KIAA1549L: variants seen among roughly 807,000 people sequenced by gnomAD.
The protein encoded by KIAA1549L is KIAA1549 like, also known as UPF0606 protein KIAA1549L.
A neutral mutation model predicts 160.7 loss-of-function variants in KIAA1549L; 88 were observed. The ratio of observed to expected loss-of-function variants is 0.55; its 90% CI spans 0.46 to 0.65. The LOEUF (loss-of-function observed/expected upper bound fraction) is 0.65, where lower values mean the gene tolerates loss of function less well. KIAA1549L is among the 30% of genes least tolerant of loss of function. The probability of loss-of-function intolerance (pLI) is 0.00; values close to 1 mark genes in which losing one functional copy is unlikely to be tolerated. For missense variants in KIAA1549L, 2,258 were observed against 2,437.5 expected (o/e 0.93, Z 1.55); for synonymous variants, 950 against 976.7 (o/e 0.97, Z 0.51).
intron 1 of KIAA1549L, among the ~76,000 whole-genome samples, chr11:33,479,654 GAC>G (rs1471134948): frequency 1.3e-5 from 2 of 152,208 alleles, no homozygotes; most frequent in Admixed American, 1.3e-4. Flanking sequence ...GAATTAAAGA[GAC>G]AGAGCTTGTG....
intron 1 of KIAA1549L, among the ~76,000 whole-genome samples, chr11:33,414,858 A>G (rs1213001038): frequency 6.6e-6 from 1 of 151,984 alleles, no homozygotes; most frequent in African/African-American, 2.4e-5. Context: ...AGAGAGACCT[A>G]TTCATGTCCT....
At chr11:33,422,313 C>T (rs1447314346) in intron 1 of KIAA1549L, among the ~76,000 whole-genome samples, 1 of 152,146 alleles carries the variant, frequency 6.6e-6, no homozygotes, top group Non-Finnish European at 1.5e-5. Flanking sequence ...TATTCCTTCC[C>T]CAATACATTG....
At chr11:33,413,893 T>C (rs535830809) in intron 1 of KIAA1549L, among the ~76,000 whole-genome samples, 2 of 152,164 alleles carry the variant, frequency 1.3e-5, no homozygotes, top group East Asian at 1.9e-4. Context: ...TGAATCTGTC[T>C]AGGGTCTCTG....
intron 1 of KIAA1549L, among the ~76,000 whole-genome samples, chr11:33,465,033 A>G (rs1483983442): frequency 7.2e-6 from 1 of 138,214 alleles, no homozygotes; most frequent in Non-Finnish European, 1.5e-5. Context: ...TTCAACTCGC[A>G]TGGGACCTTC....
At chr11:33,476,192 A>T (rs1241022017) in intron 1 of KIAA1549L, among the ~76,000 whole-genome samples, 1 of 152,244 alleles carries the variant, frequency 6.6e-6, no homozygotes. Flanking sequence ...GTTTTGTTGA[A>T]AGACAAGTTT....
At chr11:33,602,649 C>T (rs1015624685) in intron 13 of KIAA1549L, among the ~76,000 whole-genome samples, 1 of 152,004 alleles carries the variant, frequency 6.6e-6, no homozygotes, top group Admixed American at 6.5e-5. Context: ...TACTGTGATG[C>T]GATGCTATGC....
At chr11:33,631,758 C>T (rs1294421726) in intron 16 of KIAA1549L, among the ~76,000 whole-genome samples, 3 of 152,226 alleles carry the variant, frequency 2.0e-5, no homozygotes, top group African/African-American at 4.8e-5. Context: ...TCAAAGCCTT[C>T]ACCTCCAACT....
At chr11:33,393,134 A>T (rs990026535) in intron 1 of KIAA1549L, among the ~76,000 whole-genome samples, 1 of 152,008 alleles carries the variant, frequency 6.6e-6, no homozygotes, top group African/African-American at 2.4e-5. Context: ...TGAATGAACC[A>T]CCTCCAACTC....
intron 13 of KIAA1549L, among the ~76,000 whole-genome samples, chr11:33,601,629 T>C (rs768834102): frequency 6.6e-6 from 1 of 152,248 alleles, no homozygotes; most frequent in South Asian, 2.1e-4. Flanking sequence ...CAAATGCTGT[T>C]GTCTTATGGC....
At chr11:33,548,418 A>G (rs1395963582) in intron 4 of KIAA1549L, among the ~76,000 whole-genome samples, 1 of 152,050 alleles carries the variant, frequency 6.6e-6, no homozygotes, top group African/African-American at 2.4e-5. Flanking sequence ...CACACAAACA[A>G]ACAAACAAGC....
intron 1 of KIAA1549L, among the ~76,000 whole-genome samples, chr11:33,444,960 C>A (rs1191655352): frequency 6.6e-6 from 1 of 152,240 alleles, no homozygotes; most frequent in Non-Finnish European, 1.5e-5. Flanking sequence ...GTTCCTCACA[C>A]ACTACCTGGC....
rs1360625202 is a variant in KIAA1549L at position 33,519,957 on chromosome 11, TTAAC to T, written c.239-21844_239-21841del. Among the ~76,000 whole-genome samples, 13 of 151,434 alleles carry T rather than the reference TTAAC, an allele frequency of 8.6e-5. No homozygotes were observed. The East Asian group carries it at 2.5e-3, about 29-fold the overall frequency. On this transcript the variant is annotated intron_variant, in intron 1 of 20. Transcript: ENST00000658780. Reference sequence around the variant, plus strand: ...GGGTCGCCATCTTTTTTTTTTTTTTTTAACAACTTTACTAAGGAATGACTGACAT... The same window carrying T: ...GGGTCGCCATCTTTTTTTTTTTTTTTAACTTTACTAAGGAATGACTGACAT...
In KIAA1549L at chr11:33,593,509, A is replaced by T. The variant is rs115723497; in HGVS notation, c.4751+2088A>T. ...GCTGTGTGGCAAACAGACTGTAGGG[A>T]TGCAGAGTGGATGCAGGGAGACCCT... is the stretch of plus-strand genomic sequence containing the variant. On this transcript the variant is annotated intron_variant, in intron 12 of 20. Transcript: ENST00000658780. Among the ~76,000 whole-genome samples, 756 of 152,340 alleles carry T rather than the reference A, an allele frequency of 5.0e-3. 11 individuals carry two copies. The highest frequency in any genetic ancestry group is 0.017 in the African/African-American group (725 of 41,582).
chr11:33,586,091 C>T (rs1257255950), intron 11 of KIAA1549L, among the ~76,000 whole-genome samples: 2 of 152,226 alleles, frequency 1.3e-5, no homozygotes, highest in Non-Finnish European at 2.9e-5. Context: ...TCCTGCATCA[C>T]TTCTCACCAC....
intron 1 of KIAA1549L, among the ~76,000 whole-genome samples, chr11:33,408,935 G>A (rs1318543483): frequency 7.7e-6 from 1 of 130,256 alleles, no homozygotes; most frequent in Non-Finnish European, 1.6e-5. Context: ...GGGTGACAGA[G>A]CGCGACTCCA....
rs1854088115 is a variant in KIAA1549L, at chr11:33,543,108, C to T, written c.1545C>T (p.Ala515=). 2 of 1,613,822 alleles carry T rather than the reference C, an allele frequency of 1.2e-6. No homozygotes were observed. Among genetic ancestry groups the T allele is most frequent in the African/African-American group, 2.7e-5 (2 of 74,960 alleles). ...TCCTCCAGCCCACAGAGAATCATGC[C>T]TCCCCATCTCCTGTGCCAGAAATGC... ...LTFLQPTENH[A]SPSPVPEMPT... is the part of the protein sequence containing the mutation. Residue 515 remains alanine (A), a synonymous_variant, in exon 2 of 21, where the codon GCC becomes GCT. Coordinates refer to ENST00000658780, the MANE Select transcript of KIAA1549L (RefSeq NM_012194.3).
intron 16 of KIAA1549L, among the ~76,000 whole-genome samples, chr11:33,644,363 T>C (rs1173592302): frequency 1.3e-5 from 2 of 152,252 alleles, no homozygotes; most frequent in Non-Finnish European, 2.9e-5. Context: ...AGTTATGACC[T>C]TCATGTGTAA....
At chr11:33,408,510 T>C (rs9787808) in intron 1 of KIAA1549L, among the ~76,000 whole-genome samples, 44,566 of 146,010 alleles carry the variant, frequency 0.31, 7,963 homozygotes, top group Non-Finnish European at 0.4. Context: ...TATATATATA[T>C]ACACATGTAT....
Position 33,606,747 on chromosome 11 carries a change from A to G in KIAA1549L, c.4986A>G (p.Ile1662Met). The G allele has an allele frequency of 6.2e-7, 1 of 1,613,878 alleles. No homozygotes were observed. The highest frequency in any genetic ancestry group is 8.5e-7 in the Non-Finnish European group (1 of 1,179,840). ...TSSGSVQLIA[I>M]KPTALPMVPP... is the part of the protein sequence containing the mutation. ...CTGGGTCTGTGCAGCTCATTGCCAT[A>G]AAACCCACAGCCCTCCCCATGGTGC... The change falls in exon 14 of 21, where the codon ATA (isoleucine) becomes ATG (methionine). Residue 1662 changes from isoleucine (I) to methionine (M), a missense_variant. Physicochemically the swap from Ile to Met is conservative, Grantham distance 10. Transcript: ENST00000658780.
Sources: gnomAD v4.1 joint callset for allele counts (sites outside exome capture counted in the v4.1 genomes callset) on GRCh38, gnomAD v4.1.1 for gene constraint, MANE v1.5 for transcripts, NCBI Gene and HGNC (gene_info 2026-07-23, HGNC 2026-07-21) for gene names.